Variants in GPC3 observed in about 807,000 individuals in gnomAD.
The protein encoded by GPC3 is glypican 3.
Under a neutral mutation model 34.4 loss-of-function variants are expected in GPC3, and 3 were observed. The ratio of observed to expected loss-of-function variants is 0.09; its 90% CI spans 0.04 to 0.23. GPC3 has a LOEUF of 0.23. Ranked by LOEUF, GPC3 falls within the 10% of genes least tolerant of loss-of-function variation. The pLI, the probability that GPC3 is intolerant of heterozygous loss-of-function variation, is 1.00. For synonymous variants in GPC3, 177 were observed against 174.0 expected, an observed-to-expected ratio of 1.02 and a Z score of -0.13; for missense variants, 351 against 445.6, an observed-to-expected ratio of 0.79 and a Z score of 1.91.
At chrX:133,720,310 C>G (rs988105494) in intron 3 of GPC3, among the ~76,000 whole-genome samples, 3 of 112,245 alleles carry the variant, frequency 2.7e-5, no homozygotes, top group African/African-American at 9.7e-5. Flanking sequence ...GTGTCCCCAC[C>G]GAAATCTTAT....
chrX:133,617,183 A>ACATC (rs941497514), intron 6 of GPC3, among the ~76,000 whole-genome samples: 3 of 112,304 alleles, frequency 2.7e-5, no homozygotes, highest in African/African-American at 9.7e-5. Flanking sequence ...ATTTTCCAGG[A>ACATC]CATCCAGCCA....
At chrX:133,567,158 G>T (rs2069589269) in intron 7 of GPC3, among the ~76,000 whole-genome samples, 2 of 111,701 alleles carry the variant, frequency 1.8e-5, no homozygotes, top group African/African-American at 6.5e-5. Flanking sequence ...ATACTTATAG[G>T]GTGCCTCCTG....
At chrX:133,812,653 G>A (rs1190205318) in intron 2 of GPC3, among the ~76,000 whole-genome samples, 3 of 112,075 alleles carry the variant, frequency 2.7e-5, no homozygotes, top group African/African-American at 3.2e-5. Flanking sequence ...GCCAGGCAAA[G>A]AACTAAATCT....
chrX:133,656,572 A>G (rs1279177926), intron 6 of GPC3, among the ~76,000 whole-genome samples: 2 of 112,613 alleles, frequency 1.8e-5, no homozygotes, highest in Non-Finnish European at 3.7e-5. Flanking sequence ...GAATTGTGCT[A>G]TGTAAACATA....
intron 6 of GPC3, among the ~76,000 whole-genome samples, chrX:133,602,436 G>T (rs1344008410): frequency 9.0e-6 from 1 of 111,146 alleles, no homozygotes; most frequent in Non-Finnish European, 1.9e-5. Context: ...ATAGGAATGG[G>T]AGCCCTATTA....
intron 2 of GPC3, among the ~76,000 whole-genome samples, chrX:133,837,790 A>C (rs937966574): frequency 4.4e-5 from 5 of 112,363 alleles, no homozygotes; most frequent in African/African-American, 1.6e-4. Flanking sequence ...TGTTCAATTT[A>C]CATAGCATCA....
intron 1 of GPC3, among the ~76,000 whole-genome samples, chrX:133,970,433 G>A (rs1445888232): frequency 9.1e-6 from 1 of 110,485 alleles, no homozygotes; most frequent in African/African-American, 3.3e-5. Flanking sequence ...TGTTATTCCT[G>A]ACTTGAGAAC....
At chrX:133,709,971 A>T (rs2071253177) in intron 3 of GPC3, among the ~76,000 whole-genome samples, 1 of 112,060 alleles carries the variant, frequency 8.9e-6, no homozygotes. Flanking sequence ...AGCACAGAGG[A>T]TAATGAACAG....
chrX:133,930,932 G>A (rs546452392), intron 2 of GPC3, among the ~76,000 whole-genome samples: 32 of 112,195 alleles, frequency 2.9e-4, no homozygotes, highest in South Asian at 2.2e-3. Context: ...CACCGTGCCC[G>A]GCCACAAATT....
At chrX:133,906,642 G>A (rs1169024700) in intron 2 of GPC3, among the ~76,000 whole-genome samples, 1 of 112,023 alleles carries the variant, frequency 8.9e-6, no homozygotes. Context: ...TCCATTTACA[G>A]TCAAGCTCTC....
intron 1 of GPC3, among the ~76,000 whole-genome samples, chrX:133,964,987 A>C (rs1287667789): frequency 1.8e-5 from 2 of 111,706 alleles, no homozygotes; most frequent in Non-Finnish European, 3.8e-5. Context: ...CATTTAAAAA[A>C]TGAGTTAACA....
At chrX:133,668,286 A>T (rs771231822) in intron 5 of GPC3, among the ~76,000 whole-genome samples, 7 of 111,701 alleles carry the variant, frequency 6.3e-5, no homozygotes, top group Non-Finnish European at 1.3e-4. Flanking sequence ...GTGAACATGA[A>T]TGTAAATTAT....
intron 2 of GPC3, among the ~76,000 whole-genome samples, chrX:133,857,883 C>A (rs974930457): frequency 8.9e-6 from 1 of 111,819 alleles, no homozygotes; most frequent in Non-Finnish European, 1.9e-5. Flanking sequence ...AGCTGTCAGC[C>A]CTTGTTTTAA....
At chrX:133,664,447 TA>T (rs1472610920) in intron 5 of GPC3, among the ~76,000 whole-genome samples, 1 of 112,119 alleles carries the variant, frequency 8.9e-6, no homozygotes, top group Non-Finnish European at 1.9e-5. Flanking sequence ...TTTGGTCCTA[TA>T]AAAAATATGG....
chrX:133,723,596 C>T (rs2071387391), intron 3 of GPC3, among the ~76,000 whole-genome samples: 1 of 111,090 alleles, frequency 9.0e-6, no homozygotes, highest in Admixed American at 9.6e-5. Flanking sequence ...TGGTGCCCTC[C>T]TCGAGGTAAT....
At chrX:133,603,471 A>G (rs2070010650) in intron 6 of GPC3, among the ~76,000 whole-genome samples, 1 of 111,882 alleles carries the variant, frequency 8.9e-6, no homozygotes, top group Non-Finnish European at 1.9e-5. Flanking sequence ...TCTTTTGACA[A>G]GAGCCACCAG....
chrX:133,855,530 G>GATAGATATATATATATATATATATAT, intron 2 of GPC3, among the ~76,000 whole-genome samples: 1 of 91,196 alleles, frequency 1.1e-5, no homozygotes, highest in Non-Finnish European at 2.2e-5. Context: ...GCTGTTACAA[G>GATAGATATATATATATATATATATAT]ATATATATAT....
chrX:133,855,225 C>T (rs1254512128), intron 2 of GPC3, among the ~76,000 whole-genome samples: 4 of 110,672 alleles, frequency 3.6e-5, no homozygotes, highest in Non-Finnish European at 7.6e-5. Context: ...AGCAGAGGCA[C>T]GATCATGGCT....
At chrX:133,961,158 C>A (rs759199641) in intron 1 of GPC3, among the ~76,000 whole-genome samples, 1 of 111,253 alleles carries the variant, frequency 9.0e-6, no homozygotes, top group Admixed American at 9.5e-5. Flanking sequence ...CTTAGGGAAC[C>A]CAGCTGAAGG....
Sources: gnomAD v4.1 joint callset for allele counts (sites outside exome capture counted in the v4.1 genomes callset) on GRCh38, gnomAD v4.1.1 for gene constraint, MANE v1.5 for transcripts, NCBI Gene and HGNC (gene_info 2026-07-23, HGNC 2026-07-21) for gene names.